The following NPAS3 variants were observed in gnomAD, a reference collection of about 807,000 sequenced individuals.
The protein encoded by NPAS3 is neuronal PAS domain-containing protein 3.
In NPAS3, 14 loss-of-function variants were observed where a neutral mutation model predicts 73.1. That is an observed-to-expected ratio of 0.19 (90% confidence interval 0.13 to 0.30). NPAS3 has a LOEUF of 0.30. Among genes scored for constraint, NPAS3 ranks in the 10% least tolerant of loss-of-function variants. NPAS3 has a pLI of 1.00. For synonymous variants in NPAS3, 620 were observed against 541.5 expected (o/e 1.14, Z -2.01); for missense variants, 1,096 against 1,250.0 (o/e 0.88, Z 1.86).
At chr14:32,940,104 A>G (rs1246189331) in intron 1 of NPAS3, among the ~76,000 whole-genome samples, 1 of 152,228 alleles carries the variant, frequency 6.6e-6, no homozygotes, top group East Asian at 1.9e-4. Context: ...TCAAATCCAA[A>G]TAAGCAAACA....
chr14:32,989,068 A>G (rs1025445994), intron 1 of NPAS3, among the ~76,000 whole-genome samples: 3 of 152,154 alleles, frequency 2.0e-5, no homozygotes, highest in African/African-American at 7.2e-5. Context: ...CAACAGTTGC[A>G]ACTAGTGTGA....
intron 8 of NPAS3, among the ~76,000 whole-genome samples, chr14:33,776,821 T>G (rs2138494998): frequency 6.6e-6 from 1 of 152,224 alleles, no homozygotes; most frequent in Admixed American, 6.5e-5. Flanking sequence ...CTGGTGTAGG[T>G]CATCCAACTG....
chr14:33,446,166 CTTTTTTTTT>C (rs71118544), intron 4 of NPAS3, among the ~76,000 whole-genome samples: 4 of 120,008 alleles, frequency 3.3e-5, no homozygotes, highest in East Asian at 2.8e-4. Context: ...TTCATGCTTT[CTTTTTTTTT>C]TTTTTTTTTT....
chr14:33,369,238 C>T (rs1220379939), intron 4 of NPAS3, among the ~76,000 whole-genome samples: 1 of 151,774 alleles, frequency 6.6e-6, no homozygotes, highest in African/African-American at 2.4e-5. Flanking sequence ...GCTGTCACAC[C>T]GACCTAGACA....
intron 2 of NPAS3, among the ~76,000 whole-genome samples, chr14:33,092,501 C>T (rs1595430221): frequency 6.6e-6 from 1 of 152,168 alleles, no homozygotes; most frequent in South Asian, 2.1e-4. Flanking sequence ...ATTCCATGGT[C>T]GTGGATAGGA....
chr14:33,025,477 C>G (rs1282757797), intron 1 of NPAS3, among the ~76,000 whole-genome samples: 2 of 152,164 alleles, frequency 1.3e-5, no homozygotes, highest in Non-Finnish European at 1.5e-5. Context: ...TTGCTGGTAT[C>G]CTCTACAAGA....
intron 1 of NPAS3, among the ~76,000 whole-genome samples, chr14:32,983,487 C>T (rs2037979559): frequency 1.3e-5 from 2 of 152,078 alleles, no homozygotes; most frequent in Admixed American, 1.3e-4. Flanking sequence ...GGTTTCCACT[C>T]ATTTTTGTTC....
At chr14:33,422,149 C>T (rs774532969) in intron 4 of NPAS3, among the ~76,000 whole-genome samples, 1 of 151,876 alleles carries the variant, frequency 6.6e-6, no homozygotes, top group Non-Finnish European at 1.5e-5. Context: ...AAGACTAATT[C>T]TCGGCTCTGT....
At chr14:33,662,639 T>C (rs1055110826) in intron 5 of NPAS3, among the ~76,000 whole-genome samples, 1 of 152,174 alleles carries the variant, frequency 6.6e-6, no homozygotes, top group African/African-American at 2.4e-5. Flanking sequence ...CAGTGGTTTG[T>C]AGTTCTCCTT....
At chr14:33,228,527 T>A (rs1199537171) in intron 3 of NPAS3, among the ~76,000 whole-genome samples, 1 of 152,192 alleles carries the variant, frequency 6.6e-6, no homozygotes, top group Non-Finnish European at 1.5e-5. Context: ...AATCTTATAG[T>A]AGGTTTTAAG....
intron 2 of NPAS3, among the ~76,000 whole-genome samples, chr14:33,132,489 G>A (rs1468712860): frequency 6.6e-6 from 1 of 152,102 alleles, no homozygotes; most frequent in Non-Finnish European, 1.5e-5. Flanking sequence ...GTTTGGTCTT[G>A]AGCTCAGAAG....
intron 3 of NPAS3, among the ~76,000 whole-genome samples, chr14:33,251,469 T>C (rs1566724998): frequency 2.6e-5 from 4 of 152,138 alleles, no homozygotes; most frequent in Admixed American, 2.6e-4. Context: ...ATAGCCACTG[T>C]GTTGCTTTCT....
At chr14:33,481,413 T>C (rs976885158) in intron 4 of NPAS3, among the ~76,000 whole-genome samples, 2 of 149,316 alleles carry the variant, frequency 1.3e-5, no homozygotes, top group Non-Finnish European at 2.9e-5. Context: ...ACAAATGTGA[T>C]ACAAATTAGA....
At chr14:33,265,738 A>T (rs2040784655) in intron 3 of NPAS3, among the ~76,000 whole-genome samples, 1 of 152,104 alleles carries the variant, frequency 6.6e-6, no homozygotes, top group Non-Finnish European at 1.5e-5. Context: ...CAAGCTTGTG[A>T]CTACTATATT....
intron 4 of NPAS3, among the ~76,000 whole-genome samples, chr14:33,517,591 A>T (rs1470280227): frequency 6.6e-6 from 1 of 152,016 alleles, no homozygotes; most frequent in Non-Finnish European, 1.5e-5. Context: ...TTCTCTCTAA[A>T]GGTTCAACTC....
intron 7 of NPAS3, among the ~76,000 whole-genome samples, chr14:33,741,869 C>G (rs2061663320): frequency 6.6e-6 from 1 of 152,096 alleles, no homozygotes; most frequent in Non-Finnish European, 1.5e-5. Context: ...AATGCTGTAT[C>G]TTTTCAGATC....
chr14:33,008,290 A>G (rs532152797), intron 1 of NPAS3, among the ~76,000 whole-genome samples: 87 of 152,190 alleles, frequency 5.7e-4, no homozygotes, highest in Non-Finnish European at 1.1e-3. Context: ...CCCCAGCACT[A>G]TTTCTTGAGG....
intron 2 of NPAS3, among the ~76,000 whole-genome samples, chr14:33,064,721 A>G (rs1229443797): frequency 1.3e-5 from 2 of 152,210 alleles, no homozygotes; most frequent in African/African-American, 4.8e-5. Flanking sequence ...GCATAAAGAA[A>G]GAACATCAAT....
chr14:33,531,200 C>T (rs1432603041), intron 4 of NPAS3, among the ~76,000 whole-genome samples: 1 of 152,038 alleles, frequency 6.6e-6, no homozygotes, highest in Non-Finnish European at 1.5e-5. Flanking sequence ...ATAGGCTGTA[C>T]TTTCCTTTAA....
Sources: allele counts gnomAD v4.1 joint callset (sites outside exome capture counted in the v4.1 genomes callset), GRCh38; gene constraint gnomAD v4.1.1; transcripts MANE v1.5; gene names NCBI Gene and HGNC (gene_info 2026-07-23, HGNC 2026-07-21).